FOXP2: variants seen among roughly 807,000 people sequenced by gnomAD.
FOXP2 encodes the protein forkhead box protein P2.
FOXP2 carries 12 observed loss-of-function variants against 115.8 expected under a neutral mutation model. The observed-to-expected ratio is 0.10, with a 90% CI of 0.07 to 0.17. The LOEUF (loss-of-function observed/expected upper bound fraction) is 0.17, where lower values mean the gene tolerates loss of function less well. Among genes scored for constraint, FOXP2 ranks in the 10% least tolerant of loss-of-function variants. The pLI is 1.00. For synonymous variants in FOXP2, 328 were observed against 297.7 expected, an observed-to-expected ratio of 1.10 and a Z score of -1.05; for missense variants, 629 against 843.5, an observed-to-expected ratio of 0.75 and a Z score of 3.15.
chr7:114,215,006 CAT>C (rs1322854055), intron 1 of FOXP2, among the ~76,000 whole-genome samples: 2 of 152,018 alleles, frequency 1.3e-5, no homozygotes, highest in Non-Finnish European at 2.9e-5. Context: ...ATATTTGAAA[CAT>C]ATTAAAATAA....
rs1563085162 is a variant in FOXP2 at position 114,693,580 on chromosome 7, G to T, written c.*3654G>T. The T allele has an allele frequency of 2.2e-6, 1 of 452,934 alleles. No homozygotes were observed. The highest frequency in any genetic ancestry group is 4.4e-6 in the Non-Finnish European group (1 of 226,312). The allele number at this position is 452,934 out of a possible 1,614,324, so 28.1% of individuals were successfully genotyped here. A position where few individuals can be genotyped will look rare whatever the true frequency, so the allele number is the denominator to read the frequency against. ...TCACTAGTTCAGGTTGCAACGAAAG[G>T]TTTTTTTGTCCATGAACACTTGGCA... On this transcript the variant is annotated 3_prime_UTR_variant, in exon 17 of 17. Coordinates refer to ENST00000350908, the MANE Select transcript of FOXP2 (RefSeq NM_014491.4).
chr7:114,480,945 C>T (rs561889831), intron 2 of FOXP2, among the ~76,000 whole-genome samples: 2 of 151,162 alleles, frequency 1.3e-5, no homozygotes, highest in African/African-American at 2.4e-5. Flanking sequence ...CCAGTATTCT[C>T]GAGCTCTGGA....
intron 2 of FOXP2, among the ~76,000 whole-genome samples, chr7:114,507,637 A>G (rs1274383950): frequency 6.6e-6 from 1 of 151,922 alleles, no homozygotes; most frequent in African/African-American, 2.4e-5. Context: ...TGGTAATAAT[A>G]TTGGCTTGTC....
chr7:114,265,246 G>A (rs1795867703), intron 1 of FOXP2, among the ~76,000 whole-genome samples: 2 of 152,112 alleles, frequency 1.3e-5, no homozygotes, highest in South Asian at 4.1e-4. Flanking sequence ...ATACAATGGG[G>A]GTATAGGCAT....
At chr7:114,353,113 C>A (rs1325614849) in intron 2 of FOXP2, among the ~76,000 whole-genome samples, 1 of 152,058 alleles carries the variant, frequency 6.6e-6, no homozygotes, top group Non-Finnish European at 1.5e-5. Context: ...ATCCTTTAGC[C>A]CCACAAAAAA....
chr7:114,386,933 C>A (rs1314143624), intron 2 of FOXP2, among the ~76,000 whole-genome samples: 2 of 152,110 alleles, frequency 1.3e-5, no homozygotes, highest in Admixed American at 1.3e-4. Flanking sequence ...CCCATCTGTT[C>A]TTTCAAATGA....
intron 9 of FOXP2, 48 bp from the exon 10 acceptor site, chr7:114,653,878 T>C (rs1806425268): frequency 6.5e-7 from 1 of 1,539,508 alleles, no homozygotes; most frequent in Non-Finnish European, 9.0e-7. Context: ...ATAAAATAGC[T>C]GTATCAGTCA....
rs1000283948 is a variant in FOXP2, at chr7:114,691,723, G to T, written c.*1797G>T. 4.4e-6 allele frequency: 2 copies of T among 454,134 alleles called. No individual in the cohort carries two copies. The highest frequency in any genetic ancestry group is 4.4e-6 in the Non-Finnish European group (1 of 226,686). 28.1% of individuals were successfully genotyped at this position (454,134 alleles called of 1,614,324 possible). A position where few individuals can be genotyped will look rare whatever the true frequency, so the allele number is the denominator to read the frequency against. ...GCTTTACAAACAGTTTTGACAGAAGGTGGCTGCTAGAGCTTAACATACGTT... is the reference window on the plus strand; with the variant it reads ...GCTTTACAAACAGTTTTGACAGAAGTTGGCTGCTAGAGCTTAACATACGTT... On this transcript the variant is annotated 3_prime_UTR_variant, in exon 17 of 17. Transcript: ENST00000350908.
rs533756617 is a variant in FOXP2 at position 114,621,855 on chromosome 7, C to G, written c.259-6685C>G. ...AAAAATAATCAGTAACTACTTCTCC[C>G]TATAGCAAAATATGTCCCCTTGGCA... On this transcript the variant is annotated intron_variant, in intron 3 of 16. Transcript: ENST00000350908. Among the ~76,000 whole-genome samples, 8 of 152,080 alleles carry G rather than the reference C, an allele frequency of 5.3e-5. No individual in the cohort carries two copies. The South Asian group carries it at 1.7e-3, about 32-fold the overall frequency.
intron 2 of FOXP2, among the ~76,000 whole-genome samples, chr7:114,527,275 T>C (rs1461822129): frequency 6.6e-6 from 1 of 152,132 alleles, no homozygotes; most frequent in East Asian, 1.9e-4. Flanking sequence ...TATGTTCAAC[T>C]TTTTGTGGGA....
chr7:114,338,459 T>G (rs1791110131), intron 2 of FOXP2, among the ~76,000 whole-genome samples: 1 of 151,000 alleles, frequency 6.6e-6, no homozygotes, highest in African/African-American at 2.4e-5. Flanking sequence ...ATAGTAAATA[T>G]TAAAATTATC....
intron 1 of FOXP2, among the ~76,000 whole-genome samples, chr7:114,204,515 T>A (rs1218083343): frequency 1.3e-5 from 2 of 152,190 alleles, no homozygotes; most frequent in South Asian, 2.1e-4. Flanking sequence ...TTTGGTAAGT[T>A]ATTTATGGTC....
intron 1 of FOXP2, among the ~76,000 whole-genome samples, chr7:114,164,531 A>T (rs2129151357): frequency 6.6e-6 from 1 of 151,808 alleles, no homozygotes; most frequent in Non-Finnish European, 1.5e-5. Context: ...TTTTTAGTAG[A>T]GATGGGGTTT....
intron 1 of FOXP2, among the ~76,000 whole-genome samples, chr7:114,249,968 G>A (rs1345461507): frequency 1.5e-5 from 2 of 134,222 alleles, no homozygotes; most frequent in African/African-American, 5.7e-5. Flanking sequence ...CCCACAACAG[G>A]CCCCGGTGTG....
At chr7:114,218,840 A>G (rs1584553725) in intron 1 of FOXP2, among the ~76,000 whole-genome samples, 2 of 152,170 alleles carry the variant, frequency 1.3e-5, no homozygotes, top group Non-Finnish European at 1.5e-5. Context: ...CCACATTTCT[A>G]TAGCAACAGT....
chr7:114,425,916 T>C lies in FOXP2; in HGVS notation c.-10-586T>C, dbSNP rs112412064. On this transcript the variant is annotated intron_variant, in intron 1 of 16. Coordinates refer to ENST00000350908, the MANE Select transcript of FOXP2 (RefSeq NM_014491.4). Reference sequence around the variant, plus strand: ...TTGCAGCAGGAGCTTTTTCTTAAAATGCCTCCAAGGCAAAATTTTATTTAG... The same window carrying C: ...TTGCAGCAGGAGCTTTTTCTTAAAACGCCTCCAAGGCAAAATTTTATTTAG... Among the ~76,000 whole-genome samples, 1,224 of 151,802 alleles carry C rather than the reference T, an allele frequency of 8.1e-3. 19 individuals carry two copies. Among genetic ancestry groups the C allele is most frequent in the African/African-American group, 0.028 (1,163 of 41,496 alleles).
rs148999279 is a variant in FOXP2 at position 114,247,163 on chromosome 7, A to G, written c.-101-40856A>G. Among the ~76,000 whole-genome samples, 431 of 152,294 alleles carry G rather than the reference A, an allele frequency of 2.8e-3. 4 individuals are homozygous for G. Among genetic ancestry groups the G allele is most frequent in the African/African-American group, 9.8e-3 (409 of 41,572 alleles). On this transcript the variant is annotated intron_variant, in intron 1 of 17. Transcript: ENST00000634411. ...TTTTCTCAAACAGGATTTTAGACAT[A>G]GTATTCTCCTATATCTTCCTTATGT...
chr7:114,605,027 G>C (rs1803236462), intron 3 of FOXP2, among the ~76,000 whole-genome samples: 1 of 152,096 alleles, frequency 6.6e-6, no homozygotes, highest in Non-Finnish European at 1.5e-5. Context: ...TTAGAAATGT[G>C]AAAACATTTT....
intron 2 of FOXP2, among the ~76,000 whole-genome samples, chr7:114,372,977 A>G (rs1471897642): frequency 1.3e-5 from 2 of 152,112 alleles, no homozygotes; most frequent in Non-Finnish European, 2.9e-5. Context: ...TCATACTGGC[A>G]CGAAATCATA....
Sources: gnomAD v4.1 joint callset for allele counts (sites outside exome capture counted in the v4.1 genomes callset) on GRCh38, gnomAD v4.1.1 for gene constraint, MANE v1.5 for transcripts, NCBI Gene and HGNC (gene_info 2026-07-23, HGNC 2026-07-21) for gene names.